The following SLC20A2 variants were observed in gnomAD, a reference collection of about 807,000 sequenced individuals.
The protein encoded by SLC20A2 is solute carrier family 20 member 2.
A neutral mutation model predicts 61.0 loss-of-function variants in SLC20A2; 30 were observed. That is an observed-to-expected ratio of 0.49 (90% CI 0.37 to 0.67). The LOEUF is 0.67. Among genes scored for constraint, SLC20A2 ranks in the 30% least tolerant of loss-of-function variants. The pLI, the probability that SLC20A2 is intolerant of heterozygous loss-of-function variation, is 0.00. For missense variants in SLC20A2, 626 were observed against 866.4 expected, an observed-to-expected ratio of 0.72 and a Z score of 3.48; for synonymous variants, 351 against 353.3, an observed-to-expected ratio of 0.99 and a Z score of 0.07.
intron 9 of SLC20A2, among the ~76,000 whole-genome samples, chr8:42,429,779 G>A (rs564735863): frequency 2.6e-5 from 4 of 152,282 alleles, no homozygotes; most frequent in African/African-American, 9.6e-5. Flanking sequence ...TGCTGGCTGA[G>A]GGTGAGCTTC....
intron 1 of SLC20A2, chr8:42,484,958 G>A (rs531808693): frequency 5.6e-6 from 2 of 356,508 alleles, no homozygotes; most frequent in Non-Finnish European, 5.5e-6. Flanking sequence ...CAGGGCACAC[G>A]ACTAAGCACA....
rs751938267 is a variant in SLC20A2 at position 42,483,521 on chromosome 8, T to C, written c.-264-10867A>G. Among the ~76,000 whole-genome samples the C allele has an allele frequency of 2.6e-5, 4 of 152,028 alleles. No homozygotes were observed. In the East Asian group the frequency reaches 7.7e-4, roughly 29 times the overall value. On this transcript the variant is annotated intron_variant, in intron 1 of 10. Coordinates refer to ENST00000520262, the MANE Select transcript of SLC20A2 (RefSeq NM_001257180.2). Reference sequence around the variant, plus strand: ...AGTAGATCACCGCCTTGCTGGAGAGTCTGAGGCACACTACTGTCTGGAAGC... The same window carrying C: ...AGTAGATCACCGCCTTGCTGGAGAGCCTGAGGCACACTACTGTCTGGAAGC...
At chr8:42,518,912 C>T (rs1811477001) in intron 1 of SLC20A2, among the ~76,000 whole-genome samples, 1 of 152,216 alleles carries the variant, frequency 6.6e-6, no homozygotes, top group Non-Finnish European at 1.5e-5. Flanking sequence ...AAGCTGTGAC[C>T]TGAAGTTTAA....
chr8:42,473,126 A>C (rs1807779290), intron 1 of SLC20A2, among the ~76,000 whole-genome samples: 1 of 152,236 alleles, frequency 6.6e-6, no homozygotes, highest in Non-Finnish European at 1.5e-5. Flanking sequence ...TTTACGCATA[A>C]GCAATGAGCA....
At chr8:42,526,533 T>C (rs535513789) in intron 1 of SLC20A2, among the ~76,000 whole-genome samples, 6 of 151,464 alleles carry the variant, frequency 4.0e-5, no homozygotes, top group East Asian at 3.9e-4. Context: ...ATTAGCTGGG[T>C]GTGGTGGTGG....
chr8:42,472,066 C>A lies in SLC20A2; in HGVS notation c.289+36G>T, dbSNP rs759126985. 1 of 1,593,176 alleles carries A rather than the reference C, an allele frequency of 6.3e-7. No individual in the cohort carries two copies. Among genetic ancestry groups the A allele is most frequent in the South Asian group, 1.1e-5 (1 of 89,944 alleles). On this transcript the variant is annotated intron_variant, in intron 2 of 10. Transcript: ENST00000520262. This position sits in a 1 kb window ranked among gnomAD's most constrained non-coding sequence, Gnocchi z 4.1. ...TACTGCAGGGAAGCGGGTCAGTGGG[C>A]GGATGTCCCATCGGTATAGAGAAGA...
At chr8:42,523,426 G>A (rs1416841501) in intron 1 of SLC20A2, among the ~76,000 whole-genome samples, 2 of 152,174 alleles carry the variant, frequency 1.3e-5, no homozygotes, top group Non-Finnish European at 2.9e-5. Context: ...TAAATTCAAT[G>A]CAAGTAAATG....
At chr8:42,419,661 G>A (rs1802913799) in intron 10 of SLC20A2, 1 of 951,190 alleles carries the variant, frequency 1.1e-6, no homozygotes, top group Non-Finnish European at 1.3e-6. Context: ...CTCCCAACGT[G>A]TTTTAGGACC....
intron 3 of SLC20A2, 30 bp from the exon 4 acceptor site, chr8:42,463,120 T>C (rs1377959031): frequency 7.7e-7 from 1 of 1,302,384 alleles, no homozygotes; most frequent in Non-Finnish European, 1.1e-6. Context: ...ATCTAATGAA[T>C]GTTAAAATTC....
chr8:42,441,351 A>G (rs569212286), intron 6 of SLC20A2, among the ~76,000 whole-genome samples: 8 of 150,830 alleles, frequency 5.3e-5, no homozygotes, highest in African/African-American at 2.0e-4. Context: ...ATGGGGTTTC[A>G]CCATGTTGGC....
chr8:42,435,760 C>T (rs950692546), intron 8 of SLC20A2, among the ~76,000 whole-genome samples: 1 of 152,140 alleles, frequency 6.6e-6, no homozygotes, highest in African/African-American at 2.4e-5. Context: ...GCGGCTGCAT[C>T]GTGCAGTGGG....
intron 8 of SLC20A2, among the ~76,000 whole-genome samples, chr8:42,436,594 C>T (rs981019816): frequency 3.9e-5 from 6 of 152,200 alleles, no homozygotes; most frequent in Non-Finnish European, 5.9e-5. Flanking sequence ...CCATCGGCCA[C>T]GTGCTCTGCA....
chr8:42,445,538 C>A, intron 5 of SLC20A2, among the ~76,000 whole-genome samples: 1 of 151,994 alleles, frequency 6.6e-6, no homozygotes, highest in Non-Finnish European at 1.5e-5. Flanking sequence ...CCAGCCTGGC[C>A]AACATGTTGA....
At chr8:42,466,649 C>T (rs879402786) in intron 2 of SLC20A2, among the ~76,000 whole-genome samples, 1 of 151,850 alleles carries the variant, frequency 6.6e-6, no homozygotes, top group African/African-American at 2.4e-5. Context: ...AGTATAATAC[C>T]ATGTTGCTTT....
rs1804367126 is a variant in SLC20A2 at position 42,437,419 on chromosome 8, T to C, written c.1093A>G (p.Arg365Gly). Residue 365 changes from arginine (R) to glycine (G), a missense_variant, in exon 8 of 11, where the codon AGG becomes GGG. Physicochemically the swap from Arg to Gly is moderately radical, Grantham distance 125 (BLOSUM62 -2). Transcript: ENST00000520262. This position sits in a 1 kb window ranked among gnomAD's most constrained non-coding sequence, Gnocchi z 6.4. ...KDLLHKIHIDRGPEEKPAQES... is the reference protein window; with the variant it reads ...KDLLHKIHIDGGPEEKPAQES... ...TGGGCTGGCTTCTCCTCGGGGCCCCTGTCGATGTGGATTTTGTGCAGCAGA... is the reference window on the plus strand; with the variant it reads ...TGGGCTGGCTTCTCCTCGGGGCCCCCGTCGATGTGGATTTTGTGCAGCAGA... 3 of 1,614,164 alleles carry C rather than the reference T, an allele frequency of 1.9e-6. No individual in the cohort carries two copies. The highest frequency in any genetic ancestry group is 1.1e-5 in the South Asian group (1 of 91,086).
At chr8:42,421,823 G>C (rs116370834) in intron 10 of SLC20A2, among the ~76,000 whole-genome samples, 2,887 of 151,940 alleles carry the variant, frequency 0.019, 84 homozygotes, top group African/African-American at 0.067. Context: ...AAGAAATACT[G>C]AATATCATCA....
intron 2 of SLC20A2, among the ~76,000 whole-genome samples, chr8:42,469,136 G>C (rs1258225313): frequency 6.6e-6 from 1 of 152,020 alleles, no homozygotes; most frequent in South Asian, 2.1e-4. Flanking sequence ...AAGAAAAAAG[G>C]ACTGTTGGAT....
chr8:42,488,179 GCTT>G (rs1336489387), intron 1 of SLC20A2, among the ~76,000 whole-genome samples: 1 of 116,898 alleles, frequency 8.6e-6, no homozygotes, highest in Non-Finnish European at 1.7e-5. Context: ...GAATAATACT[GCTT>G]TTTTTTTTTT....
intron 2 of SLC20A2, among the ~76,000 whole-genome samples, chr8:42,467,958 C>T (rs1454851095): frequency 6.6e-6 from 1 of 151,544 alleles, no homozygotes; most frequent in East Asian, 1.9e-4. Context: ...GCTCTGTTGC[C>T]CAGGCGCAAT....
Sources: allele counts gnomAD v4.1 joint callset (sites outside exome capture counted in the v4.1 genomes callset), GRCh38; gene constraint gnomAD v4.1.1; non-coding constraint Gnocchi (gnomAD v3.1); transcripts MANE v1.5; gene names NCBI Gene and HGNC (gene_info 2026-07-23, HGNC 2026-07-21).